Variants in SCN9A observed in about 807,000 individuals in gnomAD.
SCN9A encodes sodium voltage-gated channel alpha subunit 9, also known as sodium channel protein type 9 subunit alpha.
Under a neutral mutation model 187.0 loss-of-function variants are expected in SCN9A, and 131 were observed. That is an observed-to-expected ratio of 0.70 (90% CI 0.61 to 0.81). SCN9A has a LOEUF of 0.81. SCN9A is among the 30% of genes least tolerant of loss of function. The pLI, the probability that SCN9A is intolerant of heterozygous loss-of-function variation, is 0.00. For synonymous variants in SCN9A, 809 were observed against 808.6 expected (o/e 1.00, Z -0.01); for missense variants, 2,252 against 2,396.6 (o/e 0.94, Z 1.26).
chr2:166,282,567 TACAC>T (rs1055256088), intron 12 of SCN9A, among the ~76,000 whole-genome samples: 4 of 152,122 alleles, frequency 2.6e-5, no homozygotes, highest in African/African-American at 9.6e-5. Context: ...AGGCCAGAAA[TACAC>T]ACACACACTC....
At chr2:166,373,875 T>C (rs975660449) in intron 1 of SCN9A, among the ~76,000 whole-genome samples, 9 of 152,212 alleles carry the variant, frequency 5.9e-5, no homozygotes, top group African/African-American at 1.9e-4. Context: ...AGAAATTGGA[T>C]AAAAAATAGA....
At chr2:166,254,482 A>G (rs1696178915) in intron 17 of SCN9A, among the ~76,000 whole-genome samples, 1 of 151,436 alleles carries the variant, frequency 6.6e-6, no homozygotes, top group Non-Finnish European at 1.5e-5. Context: ...TGATATATAT[A>G]ATAAAGTTTT....
rs372887865 is a variant in SCN9A, at chr2:166,199,478, G to T, written c.5161C>A (p.His1721Asn). The change falls in exon 27 of 27, where the codon CAT becomes AAT. Residue 1721 changes from histidine to asparagine, a missense_variant. Transcript: ENST00000642356. ...TCTCCTTCAACTGAACTTCCAGGAT[G>T]AACTTTTTTTGGGTCACAGTCGGGT... is the stretch of plus-strand genomic sequence containing the variant. Reference protein sequence around the residue: ...KPPDCDPKKVHPGSSVEGDCG... With the variant: ...KPPDCDPKKVNPGSSVEGDCG... 5 of 1,614,054 alleles carry T rather than the reference G, an allele frequency of 3.1e-6. No individual in the cohort carries two copies. In the East Asian group the frequency reaches 6.7e-5, roughly 22 times the overall value.
chr2:166,227,621 T>C (rs1241834581), intron 23 of SCN9A, 49 bp downstream of exon 23: 3 of 1,073,556 alleles, frequency 2.8e-6, no homozygotes, highest in Non-Finnish European at 4.2e-6. Context: ...TGAAATAAAC[T>C]AAGAAGCTTT....
chr2:166,364,909 G>A (rs897606185), intron 1 of SCN9A, among the ~76,000 whole-genome samples: 23 of 152,248 alleles, frequency 1.5e-4, no homozygotes, highest in African/African-American at 4.8e-4. Context: ...GAGTCAGTAA[G>A]AGAACAAAAT....
At chr2:166,374,141 T>A (rs1173559866) in intron 1 of SCN9A, among the ~76,000 whole-genome samples, 1 of 152,186 alleles carries the variant, frequency 6.6e-6, no homozygotes, top group Non-Finnish European at 1.5e-5. Flanking sequence ...GAGCCAGACC[T>A]GACTCATCTT....
chr2:166,213,448 A>G (rs1337885791), intron 24 of SCN9A, among the ~76,000 whole-genome samples: 1 of 140,898 alleles, frequency 7.1e-6, no homozygotes, highest in Non-Finnish European at 1.5e-5. Flanking sequence ...AACTGAATAG[A>G]CAAATTGAAC....
chr2:166,262,691 G>A (rs1010070358), intron 17 of SCN9A, among the ~76,000 whole-genome samples: 3 of 151,936 alleles, frequency 2.0e-5, no homozygotes, highest in African/African-American at 7.2e-5. Flanking sequence ...ATACGTCCAT[G>A]ACTAACCAAA....
intron 15 of SCN9A, chr2:166,277,790 G>T: frequency 4.3e-6 from 1 of 233,188 alleles, no homozygotes; most frequent in Non-Finnish European, 8.1e-6. Context: ...ATAACAATTT[G>T]ATCTTTAATT....
At chr2:166,354,414 G>A (rs7572553) in intron 1 of SCN9A, among the ~76,000 whole-genome samples, 50,331 of 151,742 alleles carry the variant, frequency 0.33, 9,945 homozygotes, top group Non-Finnish European at 0.44. Context: ...ATGAAAAGGG[G>A]GACAATATGG....
At chr2:166,299,936 C>A (rs1698481750) in intron 7 of SCN9A, among the ~76,000 whole-genome samples, 1 of 150,880 alleles carries the variant, frequency 6.6e-6, no homozygotes, top group Non-Finnish European at 1.5e-5. Context: ...ATCCTCAATG[C>A]TTCCTGTCTT....
At position 166,208,395 on chromosome 2, in the gene SCN9A, T is replaced by G. The variant is rs145234632; in HGVS notation, c.4399-3931A>C. Among the ~76,000 whole-genome samples the G allele has an allele frequency of 6.7e-3, 1,016 of 152,330 alleles. 6 individuals carry two copies. The highest frequency in any genetic ancestry group is 0.011 in the Admixed American group (167 of 15,294). ...GGTAATGCATGAAGAATACTTAGCA[T>G]AATATCTGGCACATGGTAAGTCTTC... On this transcript the variant is annotated intron_variant, in intron 24 of 26. Coordinates refer to ENST00000642356, the MANE Select transcript of SCN9A (RefSeq NM_001365536.1).
At position 166,372,977 on chromosome 2, in the gene SCN9A, C is replaced by T. The variant is rs1052179002; in HGVS notation, c.-51+2720G>A. 3.9e-5 allele frequency among the ~76,000 whole-genome samples: 6 copies of T among 152,074 alleles called. No individual in the cohort carries two copies. The East Asian group carries it at 7.7e-4, about 20-fold the overall frequency. On this transcript the variant is annotated intron_variant, in intron 1 of 26. Coordinates refer to ENST00000642356, the MANE Select transcript of SCN9A (RefSeq NM_001365536.1). ...CAAGGTTCCAACATCAAGACCAACA[C>T]GGGACAACCTACTTTTAACAAGATG... is the stretch of plus-strand genomic sequence containing the variant.
chr2:166,247,609 T>A (rs929960973), intron 18 of SCN9A, among the ~76,000 whole-genome samples: 1 of 152,016 alleles, frequency 6.6e-6, no homozygotes, highest in Non-Finnish European at 1.5e-5. Context: ...CTCTGCCTCC[T>A]GGGTTCAAGC....
chr2:166,311,566 C>G lies in SCN9A; in HGVS notation c.191G>C (p.Gly64Ala), dbSNP rs558889724. 1 of 1,612,962 alleles carries G rather than the reference C, an allele frequency of 6.2e-7. No homozygotes were observed. Among genetic ancestry groups the G allele is most frequent in the Non-Finnish European group, 8.5e-7 (1 of 1,179,690 alleles). ...EAGKQLPFIY[G>A]DIPPGMVSEP... Reference sequence around the variant, plus strand: ...TGACACCATGCCGGGAGGAATGTCCCCATAGATGAAGGGCAGCTGTTTGCC... The same window carrying G: ...TGACACCATGCCGGGAGGAATGTCCGCATAGATGAAGGGCAGCTGTTTGCC... Residue 64 changes from glycine to alanine, a missense_variant, in exon 2 of 27, where the codon GGG becomes GCG. By Grantham distance (60) the Gly-to-Ala change is moderately conservative (BLOSUM62 0). Transcript: ENST00000642356.
intron 24 of SCN9A, among the ~76,000 whole-genome samples, chr2:166,210,704 T>G (rs1694051152): frequency 6.6e-6 from 1 of 152,004 alleles, no homozygotes; most frequent in East Asian, 1.9e-4. Flanking sequence ...ATGTTCAAAT[T>G]TGGGGAGAGA....
chr2:166,281,444 G>T (rs939792750), intron 13 of SCN9A, among the ~76,000 whole-genome samples: 1 of 151,722 alleles, frequency 6.6e-6, no homozygotes, highest in Non-Finnish European at 1.5e-5. Context: ...TTTTCATTTT[G>T]CAAAGTCATT....
At chr2:166,222,985 ACC>A (rs1694688063) in intron 24 of SCN9A, among the ~76,000 whole-genome samples, 2 of 129,812 alleles carry the variant, frequency 1.5e-5, no homozygotes, top group African/African-American at 5.7e-5. Context: ...GCAACAAAAA[ACC>A]GTAAAGAGAT....
Position 166,328,923 on chromosome 2 carries a change from A to C in SCN9A, c.-50-17117T>G, listed in dbSNP as rs754840578. 2.0e-5 allele frequency among the ~76,000 whole-genome samples: 3 copies of C among 152,234 alleles called. No individual in the cohort carries two copies. In the East Asian group the frequency reaches 5.8e-4, roughly 29 times the overall value. ...TAGTCTACAACATTTGAGTGATTTA[A>C]TTGGTAAAGTAATTGCTCTCAGGTT... On this transcript the variant is annotated intron_variant, in intron 1 of 26. Coordinates refer to ENST00000642356, the MANE Select transcript of SCN9A (RefSeq NM_001365536.1).
Sources: allele counts gnomAD v4.1 joint callset (sites outside exome capture counted in the v4.1 genomes callset), GRCh38; gene constraint gnomAD v4.1.1; transcripts MANE v1.5; gene names NCBI Gene and HGNC (gene_info 2026-07-23, HGNC 2026-07-21).